The following MECOM variants were observed in gnomAD, a reference collection of about 807,000 sequenced individuals.
MECOM encodes the protein MDS1 and EVI1 complex locus, also known as histone-lysine N-methyltransferase MECOM.
A neutral mutation model predicts 116.3 loss-of-function variants in MECOM; 13 were observed. The ratio of observed to expected loss-of-function variants is 0.11; its 90% confidence interval spans 0.07 to 0.18. MECOM has a LOEUF of 0.18. Among genes scored for constraint, MECOM ranks in the 10% least tolerant of loss-of-function variants. The pLI is 1.00. For missense variants in MECOM, 1,299 were observed against 1,509.0 expected, an observed-to-expected ratio of 0.86 and a Z score of 2.31; for synonymous variants, 528 against 535.2, an observed-to-expected ratio of 0.99 and a Z score of 0.19.
chr3:169,639,807 A>G (rs558289495), intron 1 of MECOM, among the ~76,000 whole-genome samples: 10 of 152,378 alleles, frequency 6.6e-5, no homozygotes, highest in Admixed American at 3.9e-4. Context: ...ATTCATAAGT[A>G]TCTATACCTA....
At chr3:169,533,591 T>TTTTTTTTTTTTTC (rs55667588) in intron 1 of MECOM, among the ~76,000 whole-genome samples, 15 of 132,230 alleles carry the variant, frequency 1.1e-4, no homozygotes, top group African/African-American at 1.7e-4. Context: ...TTTTTTTTTT[T>TTTTTTTTTTTTTC]ATTTCCTTAT....
chr3:169,174,141 T>C lies in MECOM; in HGVS notation c.376-30309A>G, dbSNP rs902140506. 2.0e-5 allele frequency among the ~76,000 whole-genome samples: 3 copies of C among 152,336 alleles called. 1 individual carries two copies. The highest frequency in any genetic ancestry group is 2.0e-4 in the Admixed American group (3 of 15,288). On this transcript the variant is annotated intron_variant, in intron 2 of 16. Transcript: ENST00000651503. Reference sequence around the variant, plus strand: ...TTCAAACTCCCAGTGATGGGCATTTTGGTATGCTTCCACAGTTTCACAATT... The same window carrying C: ...TTCAAACTCCCAGTGATGGGCATTTCGGTATGCTTCCACAGTTTCACAATT...
At chr3:169,659,088 A>AAAAAAAAAAAAGAAAAG (rs1553909425) in intron 1 of MECOM, among the ~76,000 whole-genome samples, 4 of 150,958 alleles carry the variant, frequency 2.6e-5, no homozygotes, top group Non-Finnish European at 4.4e-5. Context: ...AAAAAAAAAA[A>AAAAAAAAAAAAGAAAAG]AAAGAAAGAG....
At chr3:169,483,190 ATTTTTATTTTTATTT>A (rs1751596640) in intron 1 of MECOM, among the ~76,000 whole-genome samples, 1 of 135,596 alleles carries the variant, frequency 7.4e-6, no homozygotes, top group Admixed American at 7.3e-5. Flanking sequence ...CCATTGTTTT[ATTTTTATTTTTATTT>A]TTTTTTTTTT....
intron 2 of MECOM, among the ~76,000 whole-genome samples, chr3:169,321,802 C>T (rs1720912033): frequency 6.6e-6 from 1 of 152,112 alleles, no homozygotes; most frequent in Non-Finnish European, 1.5e-5. Context: ...AAACATGAGA[C>T]ATGGCACTAG....
At chr3:169,516,978 C>T (rs539975273) in intron 1 of MECOM, among the ~76,000 whole-genome samples, 1 of 152,266 alleles carries the variant, frequency 6.6e-6, no homozygotes. Flanking sequence ...TACTTTGTGG[C>T]ATGAGCAATA....
chr3:169,580,187 T>C (rs1015767553), intron 1 of MECOM, among the ~76,000 whole-genome samples: 7 of 152,196 alleles, frequency 4.6e-5, no homozygotes, highest in African/African-American at 1.7e-4. Context: ...AGAGAGAATA[T>C]GGTGGCGTCG....
At chr3:169,531,962 G>C (rs1259641643) in intron 1 of MECOM, among the ~76,000 whole-genome samples, 1 of 152,134 alleles carries the variant, frequency 6.6e-6, no homozygotes, top group Non-Finnish European at 1.5e-5. Context: ...CACTCCGCTG[G>C]ATGCATCATC....
intron 10 of MECOM, among the ~76,000 whole-genome samples, chr3:169,105,088 C>G (rs1163341543): frequency 6.6e-6 from 1 of 152,146 alleles, no homozygotes; most frequent in African/African-American, 2.4e-5. Context: ...TATTAACACA[C>G]ATACACACGT....
At chr3:169,567,714 T>C (rs1763398350) in intron 1 of MECOM, among the ~76,000 whole-genome samples, 1 of 152,236 alleles carries the variant, frequency 6.6e-6, no homozygotes. Flanking sequence ...TGAGGAAACA[T>C]TGCAGAGATG....
Position 169,143,922 on chromosome 3 carries a change from TA to T in MECOM, c.376-91del, listed in dbSNP as rs1439865110. The T allele has an allele frequency of 9.5e-6, 13 of 1,374,982 alleles. No individual in the cohort carries two copies. In the East Asian group the frequency reaches 3.1e-4, roughly 33 times the overall value. The allele number at this position is 1,374,982 out of a possible 1,614,324, so 85.2% of individuals were successfully genotyped here. On this transcript the variant is annotated intron_variant, in intron 2 of 16. Coordinates refer to ENST00000651503, the MANE Select transcript of MECOM (RefSeq NM_004991.4). ...TTTGAAAATATTTCATTGAAATGTA[TA>T]TTCCTTCTTTGGATCCTTAAAAAAA... is the stretch of plus-strand genomic sequence containing the variant.
At chr3:169,457,123 C>A (rs1746655403) in intron 1 of MECOM, among the ~76,000 whole-genome samples, 1 of 152,160 alleles carries the variant, frequency 6.6e-6, no homozygotes, top group East Asian at 1.9e-4. Flanking sequence ...CACTGTTCTC[C>A]ACAGCTAAAA....
chr3:169,155,506 G>A (rs1741824690), intron 2 of MECOM, among the ~76,000 whole-genome samples: 1 of 151,890 alleles, frequency 6.6e-6, no homozygotes, highest in African/African-American at 2.4e-5. Flanking sequence ...GAGTTTTTGT[G>A]GCATTTTTAC....
At chr3:169,271,280 G>A (rs774834652) in intron 2 of MECOM, among the ~76,000 whole-genome samples, 35 of 152,128 alleles carry the variant, frequency 2.3e-4, no homozygotes, top group Non-Finnish European at 4.6e-4. Context: ...GCACAGCCAC[G>A]TCTTCACATC....
intron 2 of MECOM, among the ~76,000 whole-genome samples, chr3:169,200,783 G>C (rs930569903): frequency 6.6e-6 from 1 of 152,016 alleles, no homozygotes; most frequent in African/African-American, 2.4e-5. Flanking sequence ...CCCAGGCCTA[G>C]AGACCATGGC....
At chr3:169,235,274 T>G (rs1365856229) in intron 2 of MECOM, among the ~76,000 whole-genome samples, 1 of 152,186 alleles carries the variant, frequency 6.6e-6, no homozygotes, top group Non-Finnish European at 1.5e-5. Context: ...GAATTCCTCT[T>G]TTTAGAGCTG....
intron 10 of MECOM, among the ~76,000 whole-genome samples, chr3:169,103,253 G>T (rs1196577019): frequency 6.6e-6 from 1 of 151,858 alleles, no homozygotes; most frequent in South Asian, 2.1e-4. Context: ...ATAGGCATAA[G>T]CTACTGTGCC....
At chr3:169,548,205 A>G (rs538139328) in intron 1 of MECOM, among the ~76,000 whole-genome samples, 18 of 152,342 alleles carry the variant, frequency 1.2e-4, no homozygotes, top group African/African-American at 4.1e-4. Context: ...AAAAAGAAAG[A>G]AAAACTTTAA....
At chr3:169,427,449 A>G (rs990568641) in intron 1 of MECOM, among the ~76,000 whole-genome samples, 2 of 152,164 alleles carry the variant, frequency 1.3e-5, no homozygotes, top group African/African-American at 4.8e-5. Flanking sequence ...ATAAAAGGAA[A>G]CCTCTTCAGC....
Sources: gnomAD v4.1 joint callset for allele counts (sites outside exome capture counted in the v4.1 genomes callset) on GRCh38, gnomAD v4.1.1 for gene constraint, MANE v1.5 for transcripts, NCBI Gene and HGNC (gene_info 2026-07-23, HGNC 2026-07-21) for gene names.